The following SHOC2 variants were observed in gnomAD, a reference collection of about 807,000 sequenced individuals.
The protein encoded by SHOC2 is SHOC2 leucine rich repeat scaffold protein.
A neutral mutation model predicts 50.2 loss-of-function variants in SHOC2; 4 were observed. The ratio of observed to expected loss-of-function variants is 0.08; its 90% confidence interval spans 0.04 to 0.18. The LOEUF is 0.18. Among genes scored for constraint, SHOC2 ranks in the 10% least tolerant of loss-of-function variants. The pLI is 1.00. For synonymous variants in SHOC2, 218 were observed against 244.5 expected (o/e 0.89, Z 1.01); for missense variants, 388 against 669.6 (o/e 0.58, Z 4.64).
intron 1 of SHOC2, among the ~76,000 whole-genome samples, chr10:110,921,616 T>C (rs1846652732): frequency 6.6e-6 from 1 of 152,190 alleles, no homozygotes; most frequent in South Asian, 2.1e-4. Context: ...ATACAATGCA[T>C]AATAGTCACA....
At chr10:111,007,747 G>C (rs755692548) in intron 6 of SHOC2, 94 bp downstream of exon 6, 2 of 1,242,134 alleles carry the variant, frequency 1.6e-6, no homozygotes, top group Non-Finnish European at 2.4e-6. Context: ...CTATTTGGGT[G>C]AATGTCATAA....
chr10:110,925,797 A>G (rs1477948056), intron 1 of SHOC2, among the ~76,000 whole-genome samples: 1 of 152,208 alleles, frequency 6.6e-6, no homozygotes, highest in Non-Finnish European at 1.5e-5. Flanking sequence ...AGGGCGTATC[A>G]TGTGAGGCCT....
chr10:110,980,303 C>T (rs1847952089), intron 2 of SHOC2, among the ~76,000 whole-genome samples: 1 of 151,926 alleles, frequency 6.6e-6, no homozygotes, highest in African/African-American at 2.4e-5. Context: ...ACTACAGGCG[C>T]CCACCACCAT....
chr10:111,010,450 G>T (rs771203125), intron 8 of SHOC2, among the ~76,000 whole-genome samples: 5 of 152,026 alleles, frequency 3.3e-5, no homozygotes, highest in African/African-American at 4.8e-5. Flanking sequence ...AGTAAACACC[G>T]CATGTTCTCC....
chr10:110,964,287 C>T lies in SHOC2; in HGVS notation c.-72C>T, dbSNP rs1221025115. ...TTTTTTGATTGTGTAGGATCTTTGT[C>T]TCTTCATCTTTGAATTCAATTACTG... On this transcript the variant is annotated 5_prime_UTR_variant, in exon 2 of 9. Coordinates refer to ENST00000369452, the MANE Select transcript of SHOC2 (RefSeq NM_007373.4). The surrounding 1 kb of genome is among the most constrained non-coding windows in gnomAD (Gnocchi z 4.9). The T allele has an allele frequency of 2.6e-6, 4 of 1,561,132 alleles. No homozygotes were observed. Among genetic ancestry groups the T allele is most frequent in the Non-Finnish European group, 1.7e-6 (2 of 1,155,432 alleles).
At position 110,950,448 on chromosome 10, in the gene SHOC2, C is replaced by G. The variant is rs537571509; in HGVS notation, c.-234-13677C>G. Among the ~76,000 whole-genome samples the G allele has an allele frequency of 4.0e-4, 61 of 152,130 alleles. 1 individual carries two copies. Among genetic ancestry groups the G allele is most frequent in the African/African-American group, 1.4e-3 (60 of 41,506 alleles). ...ATATTATTAAAATGTCCATACTACC[C>G]AAAGCAATCTATATATTTGATACAA... is the stretch of plus-strand genomic sequence containing the variant. On this transcript the variant is annotated intron_variant, in intron 1 of 8. Coordinates refer to ENST00000369452, the MANE Select transcript of SHOC2 (RefSeq NM_007373.4).
chr10:110,978,201 A>G (rs1847911126), intron 2 of SHOC2, among the ~76,000 whole-genome samples: 1 of 152,220 alleles, frequency 6.6e-6, no homozygotes, highest in South Asian at 2.1e-4. Flanking sequence ...ATACAGTCAT[A>G]TATGGCTGTT....
chr10:110,919,834 C>T (rs1449578785), intron 1 of SHOC2, among the ~76,000 whole-genome samples, 177 bp downstream of exon 1: 2 of 151,042 alleles, frequency 1.3e-5, no homozygotes, highest in Non-Finnish European at 3.0e-5. Context: ...GAGGCGCCGC[C>T]GCCGCCGCTT....
chr10:110,965,089 G>A (rs1016606744), intron 2 of SHOC2, 28 bp downstream of exon 2: 7 of 1,590,268 alleles, frequency 4.4e-6, no homozygotes, highest in Non-Finnish European at 6.0e-6. Flanking sequence ...ATTATTATTT[G>A]TAGTATTTGT....
intron 5 of SHOC2, among the ~76,000 whole-genome samples, chr10:111,006,441 G>C (rs1848468185): frequency 6.6e-6 from 1 of 151,958 alleles, no homozygotes; most frequent in Non-Finnish European, 1.5e-5. Flanking sequence ...CGGGATCTCG[G>C]CTCACTGCAA....
intron 1 of SHOC2, among the ~76,000 whole-genome samples, chr10:110,952,749 G>A (rs1255880646): frequency 1.3e-5 from 2 of 152,200 alleles, no homozygotes; most frequent in Non-Finnish European, 2.9e-5. Flanking sequence ...GGTGTGTGTT[G>A]TTCCCCTCCG....
chr10:111,006,813 CT>C (rs1848477387), intron 5 of SHOC2, among the ~76,000 whole-genome samples: 2 of 152,170 alleles, frequency 1.3e-5, no homozygotes, highest in African/African-American at 4.8e-5. Flanking sequence ...ACCAATACCC[CT>C]AACACATAAC....
chr10:110,952,218 A>C (rs1847367935), intron 1 of SHOC2, among the ~76,000 whole-genome samples: 2 of 152,122 alleles, frequency 1.3e-5, no homozygotes, highest in African/African-American at 2.4e-5. Flanking sequence ...CTTTTAGATA[A>C]ATTTTAGGTT....
chr10:110,965,942 G>A (rs1020902059), intron 2 of SHOC2, among the ~76,000 whole-genome samples: 16 of 152,044 alleles, frequency 1.1e-4, no homozygotes, highest in Non-Finnish European at 2.9e-5. Context: ...ATTGTCATAA[G>A]AAGTTGATTA....
intron 1 of SHOC2, among the ~76,000 whole-genome samples, chr10:110,957,540 C>G (rs576757756): frequency 2.7e-5 from 4 of 150,744 alleles, no homozygotes; most frequent in Admixed American, 6.6e-5. Context: ...ATACCCCCCC[C>G]CCAGCCCACA....
rs541975258 is a variant in SHOC2 at position 110,980,761 on chromosome 10, C to T, written c.704-4867C>T. ...CCTCTCCTTATTGCTTATTTTCCCT[C>T]CCAATCCCCTGGGTCTCAGTTCAAA... On this transcript the variant is annotated intron_variant, in intron 2 of 8. Coordinates refer to ENST00000369452, the MANE Select transcript of SHOC2 (RefSeq NM_007373.4). Among the ~76,000 whole-genome samples, 3 of 152,222 alleles carry T rather than the reference C, an allele frequency of 2.0e-5. No homozygotes were observed. In the East Asian group the frequency reaches 5.8e-4, roughly 29 times the overall value.
At chr10:110,923,657 G>A (rs1846698677) in intron 1 of SHOC2, among the ~76,000 whole-genome samples, 2 of 144,126 alleles carry the variant, frequency 1.4e-5, no homozygotes, top group Non-Finnish European at 3.1e-5. Context: ...AGTAGTACAT[G>A]CTCTAAAATG....
At chr10:110,998,966 G>A (rs1295315921) in intron 3 of SHOC2, among the ~76,000 whole-genome samples, 1 of 152,188 alleles carries the variant, frequency 6.6e-6, no homozygotes, top group East Asian at 1.9e-4. Flanking sequence ...TGTAAGTATT[G>A]TAGTAATATT....
rs759910472 is a variant in SHOC2, at chr10:111,009,281, C to A, written c.1318C>A (p.Leu440Ile). 7.6e-6 allele frequency: 12 copies of A among 1,584,810 alleles called. No individual in the cohort carries two copies. The highest frequency in any genetic ancestry group is 1.3e-5 in the African/African-American group (1 of 74,252). ...CTTATCAAACAATCTTCTAAAGAAG[C>A]TTCCCCATGGTCTTGGAAACCTTAG... ...LILSNNLLKK[L>I]PHGLGNLRKL... The change falls in exon 7 of 9, where the codon CTT becomes ATT. Residue 440 changes from leucine (L) to isoleucine (I), a missense_variant. Physicochemically the swap from Leu to Ile is conservative, Grantham distance 5 (BLOSUM62 2). Coordinates refer to ENST00000369452, the MANE Select transcript of SHOC2 (RefSeq NM_007373.4).
Sources: allele counts gnomAD v4.1 joint callset (sites outside exome capture counted in the v4.1 genomes callset), GRCh38; gene constraint gnomAD v4.1.1; non-coding constraint Gnocchi (gnomAD v3.1); transcripts MANE v1.5; gene names NCBI Gene and HGNC (gene_info 2026-07-23, HGNC 2026-07-21).